PKHD1L1: variants seen among roughly 807,000 people sequenced by gnomAD.
PKHD1L1 encodes fibrocystin-L.
A neutral mutation model predicts 462.9 loss-of-function variants in PKHD1L1; 434 were observed. That is an observed-to-expected ratio of 0.94 (90% CI 0.87 to 1.02). The LOEUF is 1.02. PKHD1L1 is among the 50% of genes least tolerant of loss of function. The pLI is 0.00. For synonymous variants in PKHD1L1, 1,781 were observed against 1,750.0 expected, an observed-to-expected ratio of 1.02 and a Z score of -0.44; for missense variants, 5,202 against 5,096.1, an observed-to-expected ratio of 1.02 and a Z score of -0.63.
At chr8:109,374,079 A>T (rs947983682) in intron 2 of PKHD1L1, among the ~76,000 whole-genome samples, 75 of 152,250 alleles carry the variant, frequency 4.9e-4, no homozygotes, top group Non-Finnish European at 9.1e-4. Flanking sequence ...TGTCTCGTTG[A>T]TCTGTCTAAT....
chr8:109,470,224 C>G (rs1016179931), intron 50 of PKHD1L1: 3 of 1,180,818 alleles, frequency 2.5e-6, no homozygotes, highest in Admixed American at 1.9e-5. Flanking sequence ...CTCTACTGAG[C>G]CTTGTTGGAA....
rs762366299 is a variant in PKHD1L1, at chr8:109,435,176, C to CT, written c.3341-7dup. 25 of 1,610,430 alleles carry CT rather than the reference C, an allele frequency of 1.6e-5. No homozygotes were observed. In the South Asian group the frequency reaches 1.9e-4, roughly 12 times the overall value. ...GATTTACCATTTTCTTCATCTTTTT[C>CT]TTTTTTTCACAAGAAAAAGAGCTCA... On this transcript the variant is annotated splice_polypyrimidine_tract_variant and intron_variant, in intron 28 of 77. Transcript: ENST00000378402.
At chr8:109,387,662 C>G (rs1466924973) in intron 6 of PKHD1L1, among the ~76,000 whole-genome samples, 2 of 152,088 alleles carry the variant, frequency 1.3e-5, no homozygotes, top group Non-Finnish European at 2.9e-5. Context: ...ATAATGGGTA[C>G]AATAATTCAG....
In PKHD1L1 at chr8:109,445,474, C is replaced by A. The variant is rs377746967; in HGVS notation, c.5605C>A (p.Pro1869Thr). ...GNTTVTIGDEPCQIISINPNE... is the reference protein window; with the variant it reads ...GNTTVTIGDETCQIISINPNE... Reference sequence around the variant, plus strand: ...CACTACAGTCACTATTGGGGATGAACCTTGTCAAATTATTTCCATCAACCC... The same window carrying A: ...CACTACAGTCACTATTGGGGATGAAACTTGTCAAATTATTTCCATCAACCC... The change falls in exon 38 of 78, where the codon CCT becomes ACT. Residue 1869 changes from proline (P) to threonine (T), a missense_variant. Pro to Thr is a conservative substitution (Grantham distance 38). Around this residue, in one of 3 missense-constraint regions of PKHD1L1, gnomAD observed 4,497 missense variants for 4,336.8 expected, o/e 1.04. Transcript: ENST00000378402. 49 of 1,613,688 alleles carry A rather than the reference C, an allele frequency of 3.0e-5. No homozygotes were observed. The highest frequency in any genetic ancestry group is 3.7e-5 in the Non-Finnish European group (44 of 1,179,838).
chr8:109,500,589 G>C (rs1294527829), intron 67 of PKHD1L1, among the ~76,000 whole-genome samples: 1 of 141,734 alleles, frequency 7.1e-6, no homozygotes, highest in Non-Finnish European at 1.5e-5. Flanking sequence ...CAGGAGAATT[G>C]CTTGAAACTG....
rs1330772996 is a variant in PKHD1L1, at chr8:109,470,962, T to C, written c.8606-4156T>C. The C allele has an allele frequency of 2.5e-6, 4 of 1,610,476 alleles. No individual in the cohort carries two copies. In the African/African-American group the frequency reaches 5.3e-5, roughly 22 times the overall value. ...TGAACAACAGTGGGGAGTTCCTCTT[T>C]AACAAGCAGCTCGAGTCCATAGGCA... is the stretch of plus-strand genomic sequence containing the variant. On this transcript the variant is annotated intron_variant, in intron 50 of 77. Coordinates refer to ENST00000378402, the MANE Select transcript of PKHD1L1 (RefSeq NM_177531.6).
chr8:109,459,722 C>G lies in PKHD1L1; in HGVS notation c.7132C>G (p.Leu2378Val), dbSNP rs1817012353. 3.1e-6 allele frequency: 5 copies of G among 1,611,996 alleles called. No individual in the cohort carries two copies. Among genetic ancestry groups the G allele is most frequent in the Non-Finnish European group, 4.2e-6 (5 of 1,178,932 alleles). The part of the protein sequence containing the change: ...GITVTLPDGT[L>V]FEARAEVGIL... ...TACGGTCACACTCCCTGATGGAACT[C>G]TGTTTGAAGCAAGAGCAGAAGTTGG... Residue 2378 changes from leucine to valine, a missense_variant, in exon 47 of 78, where the codon CTG (leucine) becomes GTG (valine). Coordinates refer to ENST00000378402, the MANE Select transcript of PKHD1L1 (RefSeq NM_177531.6).
chr8:109,446,258 C>T (rs146435495), intron 38 of PKHD1L1, among the ~76,000 whole-genome samples: 23 of 152,200 alleles, frequency 1.5e-4, no homozygotes, highest in African/African-American at 5.3e-4. Context: ...TAGAATGCTT[C>T]GAGCTATTAG....
intron 46 of PKHD1L1, among the ~76,000 whole-genome samples, chr8:109,457,376 G>T (rs529082236): frequency 3.3e-5 from 5 of 152,222 alleles, no homozygotes; most frequent in East Asian, 1.9e-4. Context: ...AATGATAGGG[G>T]TTACTAACAG....
chr8:109,430,578 C>A (rs1815041807), intron 27 of PKHD1L1, among the ~76,000 whole-genome samples: 1 of 152,000 alleles, frequency 6.6e-6, no homozygotes, highest in South Asian at 2.1e-4. Flanking sequence ...ATTATTGCTT[C>A]AAAAATGTGA....
At chr8:109,524,857 C>T (rs1820737019) in intron 76 of PKHD1L1, among the ~76,000 whole-genome samples, 1 of 149,382 alleles carries the variant, frequency 6.7e-6, no homozygotes, top group Non-Finnish European at 1.5e-5. Context: ...CCTTCCATCC[C>T]TCCTTCCCTC....
Position 109,459,932 on chromosome 8 carries a change from T to C in PKHD1L1, c.7246+96T>C, listed in dbSNP as rs7000579. ...AAATACATTATTTCAATGTATTTCATTGTAAATATCATTAAATATAATTTA... is the reference window on the plus strand; with the variant it reads ...AAATACATTATTTCAATGTATTTCACTGTAAATATCATTAAATATAATTTA... On this transcript the variant is annotated intron_variant, in intron 47 of 77. Transcript: ENST00000378402. 5,607 of 1,004,952 alleles carry C rather than the reference T, an allele frequency of 5.6e-3. 205 individuals carry two copies. In the African/African-American group the frequency reaches 0.083, roughly 15 times the overall value. The allele number at this position is 1,004,952 out of a possible 1,614,324, so 62.3% of individuals were successfully genotyped here.
In PKHD1L1 at chr8:109,493,758, CTT is replaced by C. The variant is rs766662409; in HGVS notation, c.10327+10_10327+11del. On this transcript the variant is annotated splice_region_variant and intron_variant, in intron 63 of 77. Transcript: ENST00000378402. ...GATGGTGAACCTTGCCCAGGTAAGT[CTT>C]TTAAACCAGGAATCGCTAAAACTAG... The C allele has an allele frequency of 3.4e-5, 54 of 1,568,418 alleles. 1 individual carries two copies. In the Middle Eastern group the frequency reaches 8.5e-4, roughly 25 times the overall value.
rs748828083 is a variant in PKHD1L1 at position 109,466,734 on chromosome 8, T to C, written c.8570T>C (p.Leu2857Pro). ...LAFNQPSPVS[L>P]LEKDVVLSDS... is the part of the protein sequence containing the mutation. ...TTCAACCAGCCTTCTCCAGTATCTC[T>C]GCTTGAAAAGGATGTGGTTCTTTCA... Residue 2857 changes from leucine (L) to proline (P), a missense_variant, in exon 50 of 78, where the codon CTG (leucine) becomes CCG (proline). Around this residue, in one of 3 missense-constraint regions of PKHD1L1, gnomAD observed 4,497 missense variants for 4,336.8 expected, o/e 1.04. Coordinates refer to ENST00000378402, the MANE Select transcript of PKHD1L1 (RefSeq NM_177531.6). 2 of 1,612,960 alleles carry C rather than the reference T, an allele frequency of 1.2e-6. No individual in the cohort carries two copies. The highest frequency in any genetic ancestry group is 1.7e-6 in the Non-Finnish European group (2 of 1,179,472).
intron 67 of PKHD1L1, among the ~76,000 whole-genome samples, chr8:109,500,673 CAAAAAAAA>C (rs34827783): frequency 2.1e-5 from 1 of 47,196 alleles, no homozygotes; most frequent in Admixed American, 2.8e-4. Context: ...AACTCTGTCT[CAAAAAAAA>C]AAAAAAAAAA....
intron 9 of PKHD1L1, among the ~76,000 whole-genome samples, chr8:109,391,425 C>T (rs959831112): frequency 2.0e-5 from 3 of 152,144 alleles, no homozygotes; most frequent in African/African-American, 7.2e-5. Flanking sequence ...GATTTCATAC[C>T]ATAGCAGGAT....
chr8:109,449,628 C>A, intron 40 of PKHD1L1, 141 bp downstream of exon 40: 2 of 628,876 alleles, frequency 3.2e-6, no homozygotes, highest in Non-Finnish European at 4.8e-6. Flanking sequence ...GCAATTTCTT[C>A]AGGACATTTT....
At chr8:109,366,782 T>A (rs907428456) in intron 2 of PKHD1L1, among the ~76,000 whole-genome samples, 5 of 149,124 alleles carry the variant, frequency 3.4e-5, no homozygotes, top group South Asian at 2.2e-4. Context: ...AACATCCACC[T>A]CCCAAGTTCA....
chr8:109,459,797 A>G lies in PKHD1L1; in HGVS notation c.7207A>G (p.Asn2403Asp), dbSNP rs867179952. The G allele has an allele frequency of 6.2e-6, 10 of 1,611,604 alleles. No individual in the cohort carries two copies. Among genetic ancestry groups the G allele is most frequent in the Non-Finnish European group, 8.5e-6 (10 of 1,178,582 alleles). Residue 2403 changes from asparagine to aspartate, a missense_variant, in exon 47 of 78, where the codon AAT (asparagine) becomes GAT (aspartate). Physicochemically the swap from Asn to Asp is conservative, Grantham distance 23. This residue lies in a region of PKHD1L1 where 4,497 missense variants were observed against 4,336.8 expected (regional missense o/e 1.04). Coordinates refer to ENST00000378402, the MANE Select transcript of PKHD1L1 (RefSeq NM_177531.6). ...LIRGSDNVEW[N>D]NKIPACPDGF... is the part of the protein sequence containing the mutation. ...AAGAGGATCTGATAATGTTGAGTGG[A>G]ATAACAAAATTCCTGCATGTCCTGA...
Sources: allele counts gnomAD v4.1 joint callset (sites outside exome capture counted in the v4.1 genomes callset), GRCh38; gene constraint gnomAD v4.1.1; regional missense constraint gnomAD v4.1.1; transcripts MANE v1.5; gene names NCBI Gene and HGNC (gene_info 2026-07-23, HGNC 2026-07-21).